The following LMCD1 variants were observed in gnomAD, a reference collection of about 807,000 sequenced individuals.
LMCD1 encodes the protein LIM and cysteine-rich domains protein 1.
LMCD1 carries 32 observed loss-of-function variants against 42.7 expected under a neutral mutation model. The ratio of observed to expected loss-of-function variants is 0.75; its 90% confidence interval spans 0.57 to 1.01. LMCD1 has a LOEUF of 1.01. Ranked by LOEUF, LMCD1 falls within the 50% of genes least tolerant of loss-of-function variation. LMCD1 has a pLI of 0.00. For missense variants in LMCD1, 458 were observed against 483.1 expected (o/e 0.95, Z 0.49); for synonymous variants, 178 against 184.9 (o/e 0.96, Z 0.30).
chr3:8,551,341 G>C (rs1694834915), intron 4 of LMCD1: 1 of 985,398 alleles, frequency 1.0e-6, no homozygotes, highest in Non-Finnish European at 1.2e-6. Flanking sequence ...TAGGCGGACG[G>C]TGCGATTCCA....
chr3:8,551,165 G>T, intron 4 of LMCD1: 1 of 985,360 alleles, frequency 1.0e-6, no homozygotes, highest in Non-Finnish European at 1.2e-6. Context: ...TAATTATTAT[G>T]TAATTAGTGA....
intron 4 of LMCD1, chr3:8,550,143 G>C: frequency 7.3e-7 from 1 of 1,361,098 alleles, no homozygotes; most frequent in Admixed American, 3.0e-5. Flanking sequence ...TTGGGGAGAT[G>C]AAAGCCTCAT....
At chr3:8,554,943 G>T (rs150378546) in intron 4 of LMCD1, among the ~76,000 whole-genome samples, 4 of 152,040 alleles carry the variant, frequency 2.6e-5, no homozygotes, top group African/African-American at 9.7e-5. Context: ...ATTCCTGCCG[G>T]GCGCCTCCCC....
At chr3:8,529,536 G>A (rs983078851) in intron 1 of LMCD1, among the ~76,000 whole-genome samples, 9 of 152,114 alleles carry the variant, frequency 5.9e-5, no homozygotes, top group Non-Finnish European at 1.0e-4. Context: ...TTTTAACGTC[G>A]ATTCTCTTCA....
intron 1 of LMCD1, chr3:8,515,109 T>A: frequency 2.3e-6 from 1 of 435,948 alleles, no homozygotes; most frequent in South Asian, 1.7e-5. Flanking sequence ...GCATGGAAAG[T>A]GAGTTCCTGC....
chr3:8,548,278 C>T (rs1434110642), intron 3 of LMCD1, among the ~76,000 whole-genome samples: 7 of 152,288 alleles, frequency 4.6e-5, no homozygotes, highest in African/African-American at 1.7e-4. Flanking sequence ...ACACAGAACA[C>T]TCCCTACATA....
intron 1 of LMCD1, among the ~76,000 whole-genome samples, chr3:8,502,292 TATATTATATATA>T (rs1693743506): frequency 2.3e-5 from 1 of 43,168 alleles, no homozygotes. Context: ...ATATATAATA[TATATTATATATA>T]ATATATAAAA....
In LMCD1 at chr3:8,572,184, A is replaced by T. The variant is rs1304739304; in HGVS notation, c.*4586A>T. 6.6e-6 allele frequency: 1 copy of T among 152,228 alleles called. No individual in the cohort carries two copies. The highest frequency in any genetic ancestry group is 1.5e-5 in the Non-Finnish European group (1 of 68,042). 9.4% of individuals were successfully genotyped at this position (152,228 alleles called of 1,614,324 possible). On this transcript the variant is annotated 3_prime_UTR_variant, in exon 6 of 6. Coordinates refer to ENST00000157600, the MANE Select transcript of LMCD1 (RefSeq NM_014583.4). ...TTTAAAGTTGTTGAGTTAAATATCCATTAAATTAGGTTTGTCAGATATTTC... is the reference window on the plus strand; with the variant it reads ...TTTAAAGTTGTTGAGTTAAATATCCTTTAAATTAGGTTTGTCAGATATTTC...
chr3:8,558,936 T>TG (rs1386035740), intron 4 of LMCD1, among the ~76,000 whole-genome samples: 2 of 152,014 alleles, frequency 1.3e-5, no homozygotes, highest in Admixed American at 6.6e-5. Context: ...TCAGACACTG[T>TG]GGGGAGGTGG....
chr3:8,536,237 T>C (rs1435927996), intron 2 of LMCD1, among the ~76,000 whole-genome samples: 2 of 152,152 alleles, frequency 1.3e-5, no homozygotes, highest in African/African-American at 4.8e-5. Context: ...TCAAGTTGCA[T>C]GCAGAAGAGC....
At chr3:8,551,277 A>G (rs1035376885) in intron 4 of LMCD1, 1 of 985,340 alleles carries the variant, frequency 1.0e-6, no homozygotes, top group Admixed American at 6.1e-5. Flanking sequence ...CCCATGAATG[A>G]AAGTTTGAAC....
rs754120497 is a variant in LMCD1 at position 8,567,492 on chromosome 3, A to T, written c.992A>T (p.Lys331Met). 1 of 1,614,020 alleles carries T rather than the reference A, an allele frequency of 6.2e-7. No individual in the cohort carries two copies. The highest frequency in any genetic ancestry group is 8.5e-7 in the Non-Finnish European group (1 of 1,179,984). ...QRVEDLAWHR[K>M]HFVCEGCEQL... ...GTGGAAGATCTGGCCTGGCACCGAA[A>T]GCACTTTGTCTGTGAGGGTTGTGAG... is the stretch of plus-strand genomic sequence containing the variant. The change falls in exon 6 of 6, where the codon AAG (lysine) becomes ATG (methionine). Residue 331 changes from lysine to methionine, a missense_variant. Transcript: ENST00000157600.
chr3:8,538,351 A>G (rs66469204), intron 3 of LMCD1, among the ~76,000 whole-genome samples: 16,650 of 152,238 alleles, frequency 0.11, 1,098 homozygotes, highest in South Asian at 0.2. Context: ...ATGTGGAGTA[A>G]CAAGAGGCTG....
intron 3 of LMCD1, among the ~76,000 whole-genome samples, chr3:8,544,176 T>C (rs1694689584): frequency 3.3e-5 from 5 of 152,102 alleles, no homozygotes; most frequent in Admixed American, 3.3e-4. Flanking sequence ...TTGAATGAGA[T>C]TGCCAGGGAC....
intron 1 of LMCD1, among the ~76,000 whole-genome samples, chr3:8,515,769 G>A (rs1431027874): frequency 6.6e-6 from 1 of 152,138 alleles, no homozygotes; most frequent in Non-Finnish European, 1.5e-5. Flanking sequence ...TAGAAAGAAG[G>A]AAAGAGACCC....
intron 3 of LMCD1, among the ~76,000 whole-genome samples, chr3:8,539,618 C>T (rs1055760171): frequency 7.2e-5 from 11 of 152,006 alleles, no homozygotes; most frequent in Admixed American, 5.2e-4. Context: ...GTGAAAACCC[C>T]AAACACATTG....
At chr3:8,546,048 G>T (rs770626554) in intron 3 of LMCD1, among the ~76,000 whole-genome samples, 1 of 152,216 alleles carries the variant, frequency 6.6e-6, no homozygotes, top group Non-Finnish European at 1.5e-5. Flanking sequence ...CAGGAGAATC[G>T]CTTGAAGCTG....
At chr3:8,565,317 T>C (rs1328010725) in intron 4 of LMCD1, 115 bp from the exon 5 acceptor site, 2 of 834,614 alleles carry the variant, frequency 2.4e-6, no homozygotes, top group Non-Finnish European at 4.1e-6. Flanking sequence ...CGAAGAGGTA[T>C]AGTGACTTGC....
rs370475298 is a variant in LMCD1, at chr3:8,501,902, T to A, written c.-37T>A. The A allele has an allele frequency of 6.3e-7, 1 of 1,577,742 alleles. No individual in the cohort carries two copies. The highest frequency in any genetic ancestry group is 1.4e-5 in the African/African-American group (1 of 71,960). Reference sequence around the variant, plus strand: ...CGCTGCGCGCCCTCGCGCCTCTGCCTGAGAAGCCAGGCGCTGTTCCCCCAC... The same window carrying A: ...CGCTGCGCGCCCTCGCGCCTCTGCCAGAGAAGCCAGGCGCTGTTCCCCCAC... On this transcript the variant is annotated 5_prime_UTR_variant, in exon 1 of 6. Coordinates refer to ENST00000157600, the MANE Select transcript of LMCD1 (RefSeq NM_014583.4).
Sources: allele counts gnomAD v4.1 joint callset (sites outside exome capture counted in the v4.1 genomes callset), GRCh38; gene constraint gnomAD v4.1.1; transcripts MANE v1.5; gene names NCBI Gene and HGNC (gene_info 2026-07-23, HGNC 2026-07-21).